The following CCDC150 variants were observed in gnomAD, a reference collection of about 807,000 sequenced individuals.
The protein encoded by CCDC150 is coiled-coil domain-containing protein 150.
Under a neutral mutation model 156.5 loss-of-function variants are expected in CCDC150, and 151 were observed. That is an observed-to-expected ratio of 0.97 (90% confidence interval 0.85 to 1.10). The LOEUF is 1.10. CCDC150 is among the 50% of genes least tolerant of loss of function. The pLI is 0.00. For synonymous variants in CCDC150, 452 were observed against 429.4 expected (o/e 1.05, Z -0.65); for missense variants, 1,312 against 1,268.1 (o/e 1.03, Z -0.53).
chr2:196,691,016 T>G (rs1450855439), intron 13 of CCDC150, among the ~76,000 whole-genome samples: 1 of 152,238 alleles, frequency 6.6e-6, no homozygotes, highest in African/African-American at 2.4e-5. Context: ...TTTATTGATT[T>G]GCATATGTTG....
intron 13 of CCDC150, 74 bp from the exon 14 acceptor site, chr2:196,694,965 TGTAATTG>T: frequency 1.4e-6 from 1 of 722,126 alleles, no homozygotes; most frequent in Non-Finnish European, 2.3e-6. Flanking sequence ...ATTTTACAGT[TGTAATTG>T]TCATTTTAAA....
intron 2 of CCDC150, among the ~76,000 whole-genome samples, chr2:196,648,547 G>A (rs1482950883): frequency 5.3e-5 from 8 of 152,128 alleles, no homozygotes; most frequent in Admixed American, 6.5e-5. Context: ...TCCTTTATCA[G>A]ATGTATGATT....
rs1559275454 is a variant in CCDC150, at chr2:196,720,702, A to G, written c.2259+34A>G. On this transcript the variant is annotated intron_variant, in intron 20 of 27. Transcript: ENST00000389175. ...CAGGCTTTAAAAAATGATAACATTG[A>G]TATTTTTAGTTTTATTGGGATATTA... 7.1e-6 allele frequency: 11 copies of G among 1,560,116 alleles called. 1 individual carries two copies. In the South Asian group the frequency reaches 1.2e-4, roughly 17 times the overall value.
chr2:196,732,595 C>T lies in CCDC150; in HGVS notation c.*33C>T. 1 of 1,390,268 alleles carries T rather than the reference C, an allele frequency of 7.2e-7. No individual in the cohort carries two copies. Among genetic ancestry groups the T allele is most frequent in the Middle Eastern group, 1.8e-4 (1 of 5,644 alleles). The allele number at this position is 1,390,268 out of a possible 1,614,324, so 86.1% of individuals were successfully genotyped here. A position where few individuals can be genotyped will look rare whatever the true frequency, so the allele number is the denominator to read the frequency against. Reference sequence around the variant, plus strand: ...GACAAGGGAGCTTCTTTATGTGTAGCTACACTCCATGATTCCAAGAGCCCA... The same window carrying T: ...GACAAGGGAGCTTCTTTATGTGTAGTTACACTCCATGATTCCAAGAGCCCA... On this transcript the variant is annotated 3_prime_UTR_variant, in exon 28 of 28. Coordinates refer to ENST00000389175, the MANE Select transcript of CCDC150 (RefSeq NM_001080539.2).
intron 17 of CCDC150, chr2:196,713,578 G>C (rs1697289495): frequency 1.3e-6 from 2 of 1,547,768 alleles, no homozygotes; most frequent in Non-Finnish European, 1.7e-6. Context: ...AGACTCTTTT[G>C]AATGCTATTA....
rs1440349547 is a variant in CCDC150, at chr2:196,729,194, T to C, written c.2558T>C (p.Leu853Pro). Residue 853 changes from leucine (L) to proline (P), a missense_variant and splice_region_variant, in exon 23 of 28, where the codon CTG (leucine) becomes CCG (proline). Leu to Pro is a moderately conservative substitution (Grantham distance 98, BLOSUM62 -3). Transcript: ENST00000389175. Reference sequence around the variant, plus strand: ...CAATTTTCTCCCTTGTGTTTTAAGCTGAAGAAAGCCCTTGATGAAGCTAAC... The same window carrying C: ...CAATTTTCTCCCTTGTGTTTTAAGCCGAAGAAAGCCCTTGATGAAGCTAAC... Reference protein sequence around the residue: ...KKVAQREVAELKKALDEANFR... With the variant: ...KKVAQREVAEPKKALDEANFR... 7 of 1,603,352 alleles carry C rather than the reference T, an allele frequency of 4.4e-6. No homozygotes were observed. The highest frequency in any genetic ancestry group is 2.7e-5 in the African/African-American group (2 of 73,782).
intron 21 of CCDC150, among the ~76,000 whole-genome samples, chr2:196,722,576 T>C (rs1476277122): frequency 6.6e-6 from 1 of 152,118 alleles, no homozygotes; most frequent in African/African-American, 2.4e-5. Context: ...GTTCTCAGCC[T>C]AGATATTTAT....
At position 196,674,355 on chromosome 2, in the gene CCDC150, G is replaced by A. The variant is rs766875997; in HGVS notation, c.1137+7G>A. The A allele has an allele frequency of 6.3e-6, 10 of 1,575,116 alleles. No individual in the cohort carries two copies. In the Admixed American group the frequency reaches 8.9e-5, roughly 14 times the overall value. On this transcript the variant is annotated splice_region_variant and intron_variant, in intron 10 of 27. Coordinates refer to ENST00000389175, the MANE Select transcript of CCDC150 (RefSeq NM_001080539.2). ...CCATCAGGCCATTCTGCAGGTATTC[G>A]TTTAACATGAAAGCCAACCAGAAAG...
intron 5 of CCDC150, among the ~76,000 whole-genome samples, chr2:196,663,525 A>G (rs1328746427): frequency 6.6e-6 from 1 of 152,136 alleles, no homozygotes; most frequent in Non-Finnish European, 1.5e-5. Context: ...GTAATAATTG[A>G]AAAAAGAATC....
intron 2 of CCDC150, among the ~76,000 whole-genome samples, chr2:196,649,614 TATCTC>T (rs1473115962): frequency 6.6e-6 from 1 of 152,200 alleles, no homozygotes; most frequent in Non-Finnish European, 1.5e-5. Context: ...TAACAACACA[TATCTC>T]AGAATGTATC....
intron 13 of CCDC150, among the ~76,000 whole-genome samples, chr2:196,694,454 T>G (rs529779082): frequency 1.3e-5 from 2 of 152,318 alleles, no homozygotes; most frequent in South Asian, 4.1e-4. Flanking sequence ...TAATTTACGA[T>G]ATCCCTTTTG....
intron 8 of CCDC150, among the ~76,000 whole-genome samples, chr2:196,671,016 G>C (rs1694169216): frequency 6.6e-6 from 1 of 152,072 alleles, no homozygotes; most frequent in Non-Finnish European, 1.5e-5. Context: ...TCCCCCACCA[G>C]AGTGGTACCA....
rs750662072 is a variant in CCDC150, at chr2:196,639,756, C to T, written c.-11C>T. 44 of 1,571,478 alleles carry T rather than the reference C, an allele frequency of 2.8e-5. No individual in the cohort carries two copies. The Middle Eastern group carries it at 3.2e-3, about 116-fold the overall frequency. ...GCTCGCCTGCTGCAGTACGGAGCCT[C>T]AGGCGGACAGATGGACTGTAAGGTG... On this transcript the variant is annotated 5_prime_UTR_variant, in exon 1 of 28. Coordinates refer to ENST00000389175, the MANE Select transcript of CCDC150 (RefSeq NM_001080539.2).
At position 196,719,662 on chromosome 2, in the gene CCDC150, G is replaced by A; in HGVS notation, c.2161G>A (p.Glu721Lys). The change falls in exon 19 of 28, where the codon GAA (glutamate) becomes AAA (lysine). Residue 721 changes from glutamate (E) to lysine (K), a missense_variant. By Grantham distance (56) the Glu-to-Lys change is moderately conservative. Transcript: ENST00000389175. ...TTCAGAGATTGCAGGCCTCAAGAAAGAAAGGTACCTGTGGTTTTTTTTCCC... is the reference window on the plus strand; with the variant it reads ...TTCAGAGATTGCAGGCCTCAAGAAAAAAAGGTACCTGTGGTTTTTTTTCCC... ...RDSEIAGLKK[E>K]RDLNQQRVQK... 1 of 1,605,250 alleles carries A rather than the reference G, an allele frequency of 6.2e-7. No individual in the cohort carries two copies. Among genetic ancestry groups the A allele is most frequent in the African/African-American group, 1.3e-5 (1 of 74,512 alleles).
chr2:196,701,253 A>T, intron 15 of CCDC150, 73 bp downstream of exon 15: 1 of 1,002,874 alleles, frequency 1.0e-6, no homozygotes, highest in Non-Finnish European at 1.5e-6. Context: ...ATATTGCTAG[A>T]TTTTGAGAAT....
At position 196,701,433 on chromosome 2, in the gene CCDC150, A is replaced by G. The variant is rs1021600210; in HGVS notation, c.1695+253A>G. ...AAACTTTATTATAATCATTTTATGCATGGTCATTCACTGAGAATGTAGAAA... is the reference window on the plus strand; with the variant it reads ...AAACTTTATTATAATCATTTTATGCGTGGTCATTCACTGAGAATGTAGAAA... On this transcript the variant is annotated intron_variant, in intron 15 of 27. Coordinates refer to ENST00000389175, the MANE Select transcript of CCDC150 (RefSeq NM_001080539.2). Among the ~76,000 whole-genome samples, 14 of 152,356 alleles carry G rather than the reference A, an allele frequency of 9.2e-5. 1 individual carries two copies. Among genetic ancestry groups the G allele is most frequent in the Middle Eastern group, 3.4e-3 (1 of 294 alleles).
chr2:196,651,170 CTT>C (rs1479685770), intron 2 of CCDC150, among the ~76,000 whole-genome samples: 2 of 152,206 alleles, frequency 1.3e-5, no homozygotes, highest in African/African-American at 4.8e-5. Context: ...GAACTCCACA[CTT>C]TTACTCTCCC....
rs141826306 is a variant in CCDC150, at chr2:196,725,594, G to A, written c.2430-379G>A. 9.8e-4 allele frequency among the ~76,000 whole-genome samples: 150 copies of A among 152,332 alleles called. No individual in the cohort carries two copies. The East Asian group carries it at 0.019, about 19-fold the overall frequency. The stretch of plus-strand genomic sequence containing the variant: ...AGCGGAGATTACAATCCAGGCAGCA[G>A]CAGGCTGACTCCAAAACCCATAGTC... On this transcript the variant is annotated intron_variant, in intron 21 of 27. Transcript: ENST00000389175.
chr2:196,640,809 C>T lies in CCDC150; in HGVS notation c.12+1031C>T, dbSNP rs567550212. Among the ~76,000 whole-genome samples, 11 of 152,348 alleles carry T rather than the reference C, an allele frequency of 7.2e-5. No individual in the cohort carries two copies. In the East Asian group the frequency reaches 1.3e-3, roughly 19 times the overall value. ...GTTCTGGCCAGCAGCATCTCTACTT[C>T]TGCTTTTGTTCTTCCACCATTTGGA... On this transcript the variant is annotated intron_variant, in intron 1 of 27. Coordinates refer to ENST00000389175, the MANE Select transcript of CCDC150 (RefSeq NM_001080539.2).
Sources: allele counts gnomAD v4.1 joint callset (sites outside exome capture counted in the v4.1 genomes callset), GRCh38; gene constraint gnomAD v4.1.1; transcripts MANE v1.5; gene names NCBI Gene and HGNC (gene_info 2026-07-23, HGNC 2026-07-21).